The following VAV3 variants were observed in gnomAD, a reference collection of about 807,000 sequenced individuals.
The protein encoded by VAV3 is vav guanine nucleotide exchange factor 3.
VAV3 carries 94 observed loss-of-function variants against 131.2 expected under a neutral mutation model. The ratio of observed to expected loss-of-function variants is 0.72; its 90% CI spans 0.61 to 0.85. The LOEUF (loss-of-function observed/expected upper bound fraction) is 0.85, where lower values mean the gene tolerates loss of function less well. Ranked by LOEUF, VAV3 falls within the 40% of genes least tolerant of loss-of-function variation. The pLI is 0.00. For missense variants in VAV3, 939 were observed against 1,002.7 expected (o/e 0.94, Z 0.86); for synonymous variants, 349 against 342.0 (o/e 1.02, Z -0.22).
intron 20 of VAV3, among the ~76,000 whole-genome samples, chr1:107,626,044 T>C (rs1653996821): frequency 6.6e-6 from 1 of 152,204 alleles, no homozygotes; most frequent in South Asian, 2.1e-4. Flanking sequence ...AATACTTCAT[T>C]GTCTGAACTT....
intron 2 of VAV3, 108 bp downstream of exon 2, chr1:107,874,793 A>T: frequency 1.1e-6 from 1 of 940,808 alleles, no homozygotes; most frequent in Non-Finnish European, 1.7e-6. Context: ...TAACTATATA[A>T]TGCAGATACA....
intron 2 of VAV3, among the ~76,000 whole-genome samples, chr1:107,787,693 G>A (rs1351025946): frequency 6.6e-6 from 1 of 152,148 alleles, no homozygotes; most frequent in Non-Finnish European, 1.5e-5. Context: ...TCTCTGAGAA[G>A]CTTTTTGTGG....
chr1:107,610,054 C>T (rs1652603532), intron 21 of VAV3, 89 bp from the exon 22 acceptor site: 1 of 1,219,136 alleles, frequency 8.2e-7, no homozygotes, highest in Admixed American at 1.7e-5. Context: ...TGACTCAGCT[C>T]TATAAAACCC....
chr1:107,808,552 T>C (rs1410544294), intron 2 of VAV3, among the ~76,000 whole-genome samples: 1 of 152,136 alleles, frequency 6.6e-6, no homozygotes, highest in Non-Finnish European at 1.5e-5. Flanking sequence ...GAAGGTTACT[T>C]TTGACCCTAA....
In VAV3 at chr1:107,749,563, C is replaced by T. The variant is rs367543372; in HGVS notation, c.1291G>A (p.Val431Ile). The T allele has an allele frequency of 3.8e-5, 61 of 1,611,350 alleles. No homozygotes were observed. The highest frequency in any genetic ancestry group is 8.4e-5 in the Admixed American group (5 of 59,618). ...HIFLFDLAVI[V>I]CKRKGDNYEM... ...TAGTTATCACCTTTTCTCTTACATA[C>T]GATCACTGCCAAATCAAATAAGAAG... Residue 431 changes from valine (V) to isoleucine (I), a missense_variant, in exon 14 of 27, where the codon GTA (valine) becomes ATA (isoleucine). Transcript: ENST00000370056.
At chr1:107,624,414 G>GTGTGTA (rs1491233423) in intron 20 of VAV3, among the ~76,000 whole-genome samples, 21 of 138,886 alleles carry the variant, frequency 1.5e-4, no homozygotes, top group African/African-American at 5.5e-4. Context: ...GTGTGTGTGT[G>GTGTGTA]AAAGAAACAA....
At chr1:107,769,374 C>T (rs1664913011) in intron 6 of VAV3, among the ~76,000 whole-genome samples, 1 of 152,168 alleles carries the variant, frequency 6.6e-6, no homozygotes, top group South Asian at 2.1e-4. Flanking sequence ...GACCACAAAA[C>T]TCAACTGGGC....
chr1:107,827,897 G>C (rs957972859), intron 2 of VAV3, among the ~76,000 whole-genome samples: 4 of 152,052 alleles, frequency 2.6e-5, no homozygotes, highest in African/African-American at 9.7e-5. Flanking sequence ...CTAGTTAATG[G>C]TCAATTCCTA....
At chr1:107,895,377 G>A (rs554361712) in intron 1 of VAV3, among the ~76,000 whole-genome samples, 9 of 152,110 alleles carry the variant, frequency 5.9e-5, no homozygotes, top group Non-Finnish European at 1.2e-4. Context: ...TAAAAATAAT[G>A]CAGGAATCTG....
intron 17 of VAV3, among the ~76,000 whole-genome samples, chr1:107,689,709 A>C (rs1463324908): frequency 6.6e-6 from 1 of 152,130 alleles, no homozygotes; most frequent in Admixed American, 6.5e-5. Context: ...ACCTTTACAA[A>C]GGAGTATTCC....
At chr1:107,656,218 AT>A (rs1213137804) in intron 19 of VAV3, among the ~76,000 whole-genome samples, 1 of 152,152 alleles carries the variant, frequency 6.6e-6, no homozygotes, top group Non-Finnish European at 1.5e-5. Flanking sequence ...CCATCAATGG[AT>A]GGGTGGATAA....
intron 24 of VAV3, among the ~76,000 whole-genome samples, chr1:107,596,882 C>T (rs1156255237): frequency 7.2e-5 from 11 of 152,154 alleles, no homozygotes; most frequent in Admixed American, 2.0e-4. Context: ...GTCATAGCTC[C>T]GCATATCTGC....
chr1:107,704,270 T>G (rs919550586), intron 17 of VAV3, among the ~76,000 whole-genome samples: 1 of 152,192 alleles, frequency 6.6e-6, no homozygotes, highest in Admixed American at 6.5e-5. Flanking sequence ...ATTTAGGGCT[T>G]TTAAAGAAAT....
intron 2 of VAV3, among the ~76,000 whole-genome samples, chr1:107,784,687 C>G (rs560378729): frequency 1.3e-5 from 2 of 152,320 alleles, no homozygotes; most frequent in South Asian, 4.1e-4. Flanking sequence ...CAAAGTGATT[C>G]TTCACTGTTG....
intron 1 of VAV3, among the ~76,000 whole-genome samples, chr1:107,921,128 C>T (rs1347587631): frequency 6.6e-6 from 1 of 152,174 alleles, no homozygotes; most frequent in East Asian, 1.9e-4. Flanking sequence ...CAGTGGCTTC[C>T]TGCAAGTTCA....
At chr1:107,853,359 A>G (rs1250347145) in intron 2 of VAV3, among the ~76,000 whole-genome samples, 1 of 152,184 alleles carries the variant, frequency 6.6e-6, no homozygotes, top group Admixed American at 6.5e-5. Context: ...AGTGTTTTCC[A>G]TTGTAATCCA....
At chr1:107,627,126 A>AG (rs1329138093) in intron 20 of VAV3, among the ~76,000 whole-genome samples, 3 of 152,124 alleles carry the variant, frequency 2.0e-5, no homozygotes, top group Non-Finnish European at 4.4e-5. Flanking sequence ...CCAGGCTCAG[A>AG]GGGTTTCTGG....
In VAV3 at chr1:107,603,123, G is replaced by C. The variant is rs1570594369; in HGVS notation, c.2056C>G (p.Leu686Val). ...AMERLQAETELINRVNSTYLV... is the reference protein window; with the variant it reads ...AMERLQAETEVINRVNSTYLV... Reference sequence around the variant, plus strand: ...TAAGTACTATTTACCCTATTAATAAGTTCGGTCTCTGCTTGCAATCTTTCC... The same window carrying C: ...TAAGTACTATTTACCCTATTAATAACTTCGGTCTCTGCTTGCAATCTTTCC... Residue 686 changes from leucine to valine, a missense_variant, in exon 23 of 27, where the codon CTT becomes GTT. By Grantham distance (32) the Leu-to-Val change is conservative. Coordinates refer to ENST00000370056, the MANE Select transcript of VAV3 (RefSeq NM_006113.5). The C allele has an allele frequency of 6.2e-7, 1 of 1,613,448 alleles. No homozygotes were observed. Among genetic ancestry groups the C allele is most frequent in the Non-Finnish European group, 8.5e-7 (1 of 1,179,718 alleles).
chr1:107,680,045 T>G (rs1658494281), intron 19 of VAV3, among the ~76,000 whole-genome samples: 1 of 152,136 alleles, frequency 6.6e-6, no homozygotes, highest in East Asian at 1.9e-4. Flanking sequence ...TTGCAAATAT[T>G]GTCTATAAAG....
Sources: allele counts gnomAD v4.1 joint callset (sites outside exome capture counted in the v4.1 genomes callset), GRCh38; gene constraint gnomAD v4.1.1; transcripts MANE v1.5; gene names NCBI Gene and HGNC (gene_info 2026-07-23, HGNC 2026-07-21).